The following FYB1 variants were observed in gnomAD, a reference collection of about 807,000 sequenced individuals.
FYB1 encodes FYN binding protein 1, also known as FYN-binding protein 1.
Under a neutral mutation model 94.1 loss-of-function variants are expected in FYB1, and 41 were observed. That is an observed-to-expected ratio of 0.44 (90% CI 0.34 to 0.57). FYB1 has a LOEUF of 0.57. Ranked by LOEUF, FYB1 falls within the 20% of genes least tolerant of loss-of-function variation. The pLI, the probability that FYB1 is intolerant of heterozygous loss-of-function variation, is 0.02. For synonymous variants in FYB1, 367 were observed against 353.2 expected, an observed-to-expected ratio of 1.04 and a Z score of -0.44; for missense variants, 1,050 against 976.8, an observed-to-expected ratio of 1.07 and a Z score of -1.00.
At chr5:39,242,425 T>C (rs1751254081) in intron 1 of FYB1, among the ~76,000 whole-genome samples, 1 of 152,138 alleles carries the variant, frequency 6.6e-6, no homozygotes, top group African/African-American at 2.4e-5. Context: ...TTGTTGAGAA[T>C]GATGGTTTCC....
At chr5:39,228,241 G>C (rs1035727868) in intron 1 of FYB1, among the ~76,000 whole-genome samples, 3 of 152,132 alleles carry the variant, frequency 2.0e-5, no homozygotes, top group South Asian at 2.1e-4. Flanking sequence ...GACTGTCTTT[G>C]GGAAGCAAAG....
At chr5:39,112,540 G>A (rs1193583562) in intron 16 of FYB1, among the ~76,000 whole-genome samples, 1 of 152,000 alleles carries the variant, frequency 6.6e-6, no homozygotes, top group Non-Finnish European at 1.5e-5. Context: ...AGTTCAAAAT[G>A]AAGAGAATGT....
chr5:39,211,018 T>G (rs1229121875), intron 1 of FYB1: 1 of 152,244 alleles, frequency 6.6e-6, no homozygotes, highest in Non-Finnish European at 1.5e-5. Flanking sequence ...CTTATTTTTC[T>G]TATTCTATTT....
intron 2 of FYB1, among the ~76,000 whole-genome samples, chr5:39,189,117 A>G (rs1416940528): frequency 1.3e-5 from 2 of 152,196 alleles, no homozygotes; most frequent in African/African-American, 2.4e-5. Flanking sequence ...CACAATGATC[A>G]GGAAGACAAG....
chr5:39,182,278 T>TGC (rs753151603), intron 2 of FYB1, among the ~76,000 whole-genome samples: 3 of 130,770 alleles, frequency 2.3e-5, no homozygotes, highest in African/African-American at 9.1e-5. Flanking sequence ...TTTGTGTGTG[T>TGC]GTGCATGCAT....
At chr5:39,151,199 A>T (rs1040386099) in intron 3 of FYB1, among the ~76,000 whole-genome samples, 1 of 151,720 alleles carries the variant, frequency 6.6e-6, no homozygotes, top group Non-Finnish European at 1.5e-5. Context: ...CCACCCTCAC[A>T]CTCCACCTCC....
At chr5:39,180,781 A>G (rs145907952) in intron 2 of FYB1, among the ~76,000 whole-genome samples, 1 of 152,342 alleles carries the variant, frequency 6.6e-6, no homozygotes, top group East Asian at 1.9e-4. Context: ...CTACTTCTCC[A>G]GCTTCTACCC....
At chr5:39,229,723 G>T (rs1494688) in intron 1 of FYB1, among the ~76,000 whole-genome samples, 21,103 of 152,084 alleles carry the variant, frequency 0.14, 3,837 homozygotes, top group African/African-American at 0.4. Context: ...CCATTTTATA[G>T]ATAAGGGCAA....
chr5:39,118,076 T>C (rs1293910220), intron 16 of FYB1, among the ~76,000 whole-genome samples: 1 of 152,048 alleles, frequency 6.6e-6, no homozygotes, highest in African/African-American at 2.4e-5. Context: ...AAATTTTCTT[T>C]GATTTTTAGT....
chr5:39,244,256 C>T (rs554541213), intron 1 of FYB1, among the ~76,000 whole-genome samples: 18 of 152,118 alleles, frequency 1.2e-4, no homozygotes, highest in South Asian at 6.2e-4. Flanking sequence ...TTTGCCCATT[C>T]GGTATGATAT....
At position 39,273,053 on chromosome 5, in the gene FYB1, G is replaced by A. The variant is rs1432753133; in HGVS notation, c.-28+1350C>T. On this transcript the variant is annotated intron_variant, in intron 1 of 1. Coordinates refer to the FYB1 transcript ENST00000510188. Reference sequence around the variant, plus strand: ...GCGCCTCCGCCCGGCCAGCCACCCCGTCCGGGAGGTGGGGGGCGCTTCTGC... The same window carrying A: ...GCGCCTCCGCCCGGCCAGCCACCCCATCCGGGAGGTGGGGGGCGCTTCTGC... 3.9e-5 allele frequency among the ~76,000 whole-genome samples: 6 copies of A among 152,278 alleles called. No individual in the cohort carries two copies. The East Asian group carries it at 9.6e-4, about 24-fold the overall frequency.
chr5:39,157,178 A>AT (rs999093530), intron 2 of FYB1, among the ~76,000 whole-genome samples: 8 of 151,244 alleles, frequency 5.3e-5, no homozygotes, highest in East Asian at 1.9e-4. Context: ...AACTCTAGTC[A>AT]TTTTTTTTTA....
chr5:39,117,520 C>T (rs901949316), intron 16 of FYB1, among the ~76,000 whole-genome samples: 13 of 152,100 alleles, frequency 8.5e-5, no homozygotes, highest in African/African-American at 3.1e-4. Flanking sequence ...CAGTGAACTT[C>T]CAATCTTAAT....
chr5:39,179,234 A>G (rs1746000258), intron 2 of FYB1, among the ~76,000 whole-genome samples: 1 of 152,184 alleles, frequency 6.6e-6, no homozygotes, highest in Non-Finnish European at 1.5e-5. Context: ...TCTGGCAACT[A>G]TGGAGGGACA....
chr5:39,203,785 T>C (rs260076), intron 1 of FYB1, among the ~76,000 whole-genome samples: 3,542 of 152,180 alleles, frequency 0.023, 134 homozygotes, highest in African/African-American at 0.081. Context: ...AGTCATCCCT[T>C]TTTCTCAGAG....
chr5:39,178,327 G>A (rs1212540879), intron 2 of FYB1, among the ~76,000 whole-genome samples: 3 of 152,170 alleles, frequency 2.0e-5, no homozygotes, highest in African/African-American at 7.2e-5. Context: ...AGAAGGCTTA[G>A]TAGATGAGTC....
chr5:39,202,385 G>A lies in FYB1; in HGVS notation c.576C>T (p.Leu192=), dbSNP rs1748426459. 1 of 1,613,884 alleles carries A rather than the reference G, an allele frequency of 6.2e-7. No homozygotes were observed. Among genetic ancestry groups the A allele is most frequent in the African/African-American group, 1.3e-5 (1 of 74,926 alleles). ...SASQDLEPKP[L]FPKPAFGQKP... ...TCTGGCCAAAGGCGGGTTTGGGGAA[G>A]AGGGGCTTGGGTTCAAGATCTTGTG... The change falls in exon 2 of 19, where the codon CTC becomes CTT. Residue 192 remains leucine (L), a synonymous_variant. Transcript: ENST00000512982.
chr5:39,203,588 A>G (rs561231329), intron 1 of FYB1, among the ~76,000 whole-genome samples: 1 of 152,184 alleles, frequency 6.6e-6, no homozygotes, highest in Admixed American at 6.5e-5. Flanking sequence ...AAGTAATAAA[A>G]TGACTTCTTC....
At chr5:39,114,355 C>A (rs1283957765) in intron 16 of FYB1, among the ~76,000 whole-genome samples, 1 of 152,166 alleles carries the variant, frequency 6.6e-6, no homozygotes, top group Non-Finnish European at 1.5e-5. Flanking sequence ...GGAACTTCTA[C>A]AAGTCAATGG....
Sources: allele counts gnomAD v4.1 joint callset (sites outside exome capture counted in the v4.1 genomes callset), GRCh38; gene constraint gnomAD v4.1.1; transcripts MANE v1.5; gene names NCBI Gene and HGNC (gene_info 2026-07-23, HGNC 2026-07-21).